The following ARFIP1 variants were observed in gnomAD, a reference collection of about 807,000 sequenced individuals.
ARFIP1 encodes arfaptin-1.
Under a neutral mutation model 42.5 loss-of-function variants are expected in ARFIP1, and 24 were observed. The ratio of observed to expected loss-of-function variants is 0.57; its 90% CI spans 0.41 to 0.80. ARFIP1 has a LOEUF of 0.80. Ranked by LOEUF, ARFIP1 falls within the 30% of genes least tolerant of loss-of-function variation. The pLI, the probability that ARFIP1 is intolerant of heterozygous loss-of-function variation, is 0.00. For missense variants in ARFIP1, 354 were observed against 434.0 expected, an observed-to-expected ratio of 0.82 and a Z score of 1.64; for synonymous variants, 141 against 153.7, an observed-to-expected ratio of 0.92 and a Z score of 0.61.
At chr4:152,809,591 C>T (rs1729287541) in intron 1 of ARFIP1, 2 of 152,212 alleles carry the variant, frequency 1.3e-5, no homozygotes, top group East Asian at 3.9e-4. Flanking sequence ...TTGCTGTACC[C>T]TTTAGGAATG....
intron 1 of ARFIP1, among the ~76,000 whole-genome samples, chr4:152,818,367 C>T (rs981655996): frequency 6.6e-6 from 1 of 152,160 alleles, no homozygotes; most frequent in African/African-American, 2.4e-5. Context: ...AGGCTTTAAC[C>T]CTGTCCAGCA....
At chr4:152,826,542 G>A (rs1046529085) in intron 1 of ARFIP1, among the ~76,000 whole-genome samples, 8 of 152,066 alleles carry the variant, frequency 5.3e-5, no homozygotes, top group African/African-American at 7.2e-5. Flanking sequence ...CCGGGGTGAC[G>A]GGTGAACTAA....
At chr4:152,852,684 G>T (rs1733095109) in intron 2 of ARFIP1, among the ~76,000 whole-genome samples, 2 of 152,132 alleles carry the variant, frequency 1.3e-5, no homozygotes, top group Non-Finnish European at 2.9e-5. Context: ...TAAAATTTTG[G>T]TGAACTGTGA....
intron 2 of ARFIP1, among the ~76,000 whole-genome samples, chr4:152,862,501 A>G (rs898444029): frequency 6.6e-6 from 1 of 152,076 alleles, no homozygotes; most frequent in South Asian, 2.1e-4. Context: ...GACCCCTGCT[A>G]TAGGCTCTAT....
intron 6 of ARFIP1, among the ~76,000 whole-genome samples, chr4:152,881,466 G>A (rs188240582): frequency 6.6e-6 from 1 of 152,022 alleles, no homozygotes; most frequent in Non-Finnish European, 1.5e-5. Flanking sequence ...AATATCAAGG[G>A]TTACTGTTGT....
rs114279941 is a variant in ARFIP1, at chr4:152,782,341, C to T, written c.-10+2115C>T. Among the ~76,000 whole-genome samples the T allele has an allele frequency of 5.5e-3, 831 of 152,200 alleles. 7 individuals carry two copies. The highest frequency in any genetic ancestry group is 0.018 in the African/African-American group (759 of 41,518). On this transcript the variant is annotated intron_variant, in intron 1 of 8. Transcript: ENST00000353617. ...CTTCTAGTTTGATATTGAAATCTCTCCTTTAAAACATTAGTGTTTCTAAAT... is the reference window on the plus strand; with the variant it reads ...CTTCTAGTTTGATATTGAAATCTCTTCTTTAAAACATTAGTGTTTCTAAAT...
At chr4:152,804,869 G>T (rs912424063) in intron 1 of ARFIP1, among the ~76,000 whole-genome samples, 7 of 152,094 alleles carry the variant, frequency 4.6e-5, no homozygotes, top group African/African-American at 1.7e-4. Flanking sequence ...TTGTTGTAGA[G>T]CTTCATTTGC....
chr4:152,794,280 C>G (rs543119755), intron 1 of ARFIP1, among the ~76,000 whole-genome samples: 1 of 152,146 alleles, frequency 6.6e-6, no homozygotes, highest in Non-Finnish European at 1.5e-5. Flanking sequence ...TCTCCGTAGT[C>G]TCTTTTAAAG....
chr4:152,854,128 G>A (rs995045631), intron 2 of ARFIP1, among the ~76,000 whole-genome samples: 7 of 151,670 alleles, frequency 4.6e-5, no homozygotes, highest in Admixed American at 6.6e-5. Context: ...GGCCAGGCTC[G>A]TCTCAAACTC....
intron 2 of ARFIP1, among the ~76,000 whole-genome samples, chr4:152,847,833 C>T (rs62319906): frequency 0.043 from 6,498 of 152,242 alleles, 172 homozygotes; most frequent in South Asian, 0.11. Flanking sequence ...GATTTAAAGA[C>T]ATTGCCTCCT....
intron 7 of ARFIP1, among the ~76,000 whole-genome samples, chr4:152,885,449 C>T (rs1736183724): frequency 6.6e-6 from 1 of 151,990 alleles, no homozygotes; most frequent in South Asian, 2.1e-4. Context: ...GATGTGGACA[C>T]CTGTTCTCTA....
intron 2 of ARFIP1, among the ~76,000 whole-genome samples, chr4:152,859,943 G>A (rs1733752715): frequency 6.6e-6 from 1 of 151,400 alleles, no homozygotes; most frequent in African/African-American, 2.4e-5. Context: ...TATAATAAGG[G>A]TGGAAATACT....
rs61135783 is a variant in ARFIP1 at position 152,808,283 on chromosome 4, ATTTTTTTTTTTTTTTTTTTT to A, written c.-9-21327_-9-21308del. On this transcript the variant is annotated intron_variant, in intron 1 of 8. Transcript: ENST00000353617. The stretch of plus-strand genomic sequence containing the variant: ...GTGTGAGCCACCACGCCTGGCCTCC[ATTTTTTTTTTTTTTTTTTTT>A]TTTTTTTTTTTTTTGTAGCAGTAGT... Among the ~76,000 whole-genome samples, 102 of 20,318 alleles carry A rather than the reference ATTTTTTTTTTTTTTTTTTTT, an allele frequency of 5.0e-3. 1 individual carries two copies. The highest frequency in any genetic ancestry group is 0.011 in the Admixed American group (17 of 1,540). The allele number at this position is 20,318 out of a possible 152,430, so 13.3% of individuals were successfully genotyped here.
chr4:152,786,198 T>G (rs1473131545), intron 1 of ARFIP1, among the ~76,000 whole-genome samples: 1 of 152,248 alleles, frequency 6.6e-6, no homozygotes, highest in African/African-American at 2.4e-5. Context: ...AGATGTCAGC[T>G]TCATTAAGGG....
chr4:152,865,327 G>A (rs951868933), intron 3 of ARFIP1, among the ~76,000 whole-genome samples: 5 of 152,118 alleles, frequency 3.3e-5, no homozygotes, highest in Non-Finnish European at 7.4e-5. Context: ...AGTAGAGACG[G>A]GGTTTCACTA....
intron 2 of ARFIP1, among the ~76,000 whole-genome samples, chr4:152,862,110 C>T (rs868401863): frequency 1.2e-4 from 19 of 152,186 alleles, no homozygotes; most frequent in Admixed American, 1.0e-3. Context: ...CCTTTAGCGA[C>T]GTTGGCCATG....
intron 4 of ARFIP1, 22 bp from the exon 5 acceptor site, chr4:152,872,430 T>C: frequency 6.7e-7 from 1 of 1,499,396 alleles, no homozygotes; most frequent in Non-Finnish European, 9.3e-7. Context: ...GGATTGTGTT[T>C]TTATCTTTTG....
intron 8 of ARFIP1, among the ~76,000 whole-genome samples, chr4:152,905,971 C>T (rs1452616897): frequency 6.6e-6 from 1 of 151,944 alleles, no homozygotes; most frequent in Non-Finnish European, 1.5e-5. Flanking sequence ...TTTTGAAGTC[C>T]AATTTATTGA....
rs898600917 is a variant in ARFIP1 at position 152,910,342 on chromosome 4, A to G, written c.*123A>G. 6 of 1,171,628 alleles carry G rather than the reference A, an allele frequency of 5.1e-6. No individual in the cohort carries two copies. Among genetic ancestry groups the G allele is most frequent in the Non-Finnish European group, 7.0e-6 (6 of 855,974 alleles). 72.6% of individuals were successfully genotyped at this position (1,171,628 alleles called of 1,614,324 possible). A position where few individuals can be genotyped will look rare whatever the true frequency, so the allele number is the denominator to read the frequency against. ...GCATTATAGTGATTCTTGCACAAAC[A>G]GCTTTAATTTTTCCCTTTTTCATAC... On this transcript the variant is annotated 3_prime_UTR_variant, in exon 9 of 9. Coordinates refer to ENST00000353617, the MANE Select transcript of ARFIP1 (RefSeq NM_001025595.3).
Sources: gnomAD v4.1 joint callset for allele counts (sites outside exome capture counted in the v4.1 genomes callset) on GRCh38, gnomAD v4.1.1 for gene constraint, MANE v1.5 for transcripts, NCBI Gene and HGNC (gene_info 2026-07-23, HGNC 2026-07-21) for gene names.